Variants in MSRA observed in about 807,000 individuals in gnomAD.
The protein encoded by MSRA is methionine sulfoxide reductase A, also known as mitochondrial peptide methionine sulfoxide reductase.
Under a neutral mutation model 31.3 loss-of-function variants are expected in MSRA, and 54 were observed. The ratio of observed to expected loss-of-function variants is 1.73; its 90% CI spans 1.39 to 2.17. The LOEUF is 2.17. MSRA is among the 30% of genes most tolerant of loss of function. MSRA has a pLI of 0.00. For synonymous variants in MSRA, 169 were observed against 116.5 expected, an observed-to-expected ratio of 1.45 and a Z score of -2.90; for missense variants, 507 against 300.9, an observed-to-expected ratio of 1.69 and a Z score of -5.07.
chr8:10,257,396 C>G (rs1426711532), intron 3 of MSRA, among the ~76,000 whole-genome samples: 2 of 152,092 alleles, frequency 1.3e-5, no homozygotes, highest in Non-Finnish European at 2.9e-5. Context: ...TGTCCATAAA[C>G]CTTCTTCATT....
Position 10,094,318 on chromosome 8 carries a change from G to T in MSRA, c.142+39660G>T, listed in dbSNP as rs192537550. On this transcript the variant is annotated intron_variant, in intron 1 of 5. Coordinates refer to ENST00000317173, the MANE Select transcript of MSRA (RefSeq NM_012331.5). ...AACTTATTTACTTAATAGATTTGTT[G>T]GACAGCTGTATATGGAAGGCTGTAT... is the stretch of plus-strand genomic sequence containing the variant. Among the ~76,000 whole-genome samples, 39 of 152,230 alleles carry T rather than the reference G, an allele frequency of 2.6e-4. No homozygotes were observed. In the East Asian group the frequency reaches 7.3e-3, roughly 29 times the overall value.
chr8:10,250,513 G>T (rs1391046393), intron 3 of MSRA: 1 of 699,288 alleles, frequency 1.4e-6, no homozygotes, highest in African/African-American at 1.7e-5. Flanking sequence ...AGCATGAAAG[G>T]AGCTGCACAA....
intron 5 of MSRA, among the ~76,000 whole-genome samples, chr8:10,365,600 T>C (rs959528931): frequency 6.6e-6 from 1 of 152,232 alleles, no homozygotes; most frequent in Non-Finnish European, 1.5e-5. Context: ...AGCCATGCCA[T>C]TTAATTTTAT....
chr8:10,390,696 T>G (rs1195225951), intron 5 of MSRA, among the ~76,000 whole-genome samples: 1 of 152,168 alleles, frequency 6.6e-6, no homozygotes, highest in Non-Finnish European at 1.5e-5. Context: ...TGTTTCTGTG[T>G]GTATTACCTC....
intron 4 of MSRA, among the ~76,000 whole-genome samples, chr8:10,316,527 C>CCTCCCTCT (rs1801727050): frequency 1.8e-5 from 2 of 112,546 alleles, no homozygotes; most frequent in Non-Finnish European, 3.9e-5. Context: ...TTTGATGATC[C>CCTCCCTCT]CTCTCTCTCT....
chr8:10,410,206 G>A (rs1489480344), intron 5 of MSRA, among the ~76,000 whole-genome samples: 1 of 152,200 alleles, frequency 6.6e-6, no homozygotes, highest in Non-Finnish European at 1.5e-5. Context: ...GTATGCATGT[G>A]TGGCGGGGAC....
At position 10,203,132 on chromosome 8, in the gene MSRA, G is replaced by A. The variant is rs576706141; in HGVS notation, c.143-4701G>A. Among the ~76,000 whole-genome samples, 23 of 152,206 alleles carry A rather than the reference G, an allele frequency of 1.5e-4. No individual in the cohort carries two copies. In the South Asian group the frequency reaches 3.1e-3, roughly 21 times the overall value. The stretch of plus-strand genomic sequence containing the variant: ...CTGGAATTAAAGACAAGACAAAGCC[G>A]CCAGGGACCTCATGAGTGATGAGGG... On this transcript the variant is annotated intron_variant, in intron 1 of 5. Coordinates refer to ENST00000317173, the MANE Select transcript of MSRA (RefSeq NM_012331.5).
intron 5 of MSRA, among the ~76,000 whole-genome samples, chr8:10,395,211 G>C (rs1807022276): frequency 1.3e-5 from 2 of 152,178 alleles, no homozygotes; most frequent in South Asian, 4.1e-4. Context: ...TGCTTTGAAA[G>C]ATGTGTAGGG....
At chr8:10,088,424 A>G (rs747238032) in intron 1 of MSRA, among the ~76,000 whole-genome samples, 1 of 152,176 alleles carries the variant, frequency 6.6e-6, no homozygotes, top group African/African-American at 2.4e-5. Context: ...TAAGATGTGG[A>G]AACTAAGATG....
chr8:10,319,000 C>A (rs1801887669), intron 4 of MSRA, among the ~76,000 whole-genome samples: 1 of 152,202 alleles, frequency 6.6e-6, no homozygotes, highest in Non-Finnish European at 1.5e-5. Flanking sequence ...CAAGTCACTT[C>A]CTTGATCCAG....
At chr8:10,241,811 T>C (rs1797337179) in intron 2 of MSRA, among the ~76,000 whole-genome samples, 1 of 152,218 alleles carries the variant, frequency 6.6e-6, no homozygotes, top group Non-Finnish European at 1.5e-5. Context: ...GATCCAATTG[T>C]CAACTTGCAG....
At chr8:10,347,741 G>T (rs567107284) in intron 5 of MSRA, among the ~76,000 whole-genome samples, 1 of 152,248 alleles carries the variant, frequency 6.6e-6, no homozygotes, top group South Asian at 2.1e-4. Flanking sequence ...AAATAATCCC[G>T]TCCATAGTGT....
intron 1 of MSRA, among the ~76,000 whole-genome samples, chr8:10,196,737 T>C (rs978015376): frequency 2.6e-5 from 4 of 151,540 alleles, no homozygotes; most frequent in Non-Finnish European, 5.9e-5. Flanking sequence ...TTTTTAATTT[T>C]TTTTTTTAAT....
Position 10,260,427 on chromosome 8 carries a change from C to T in MSRA, c.331+15204C>T, listed in dbSNP as rs547057415. Among the ~76,000 whole-genome samples the T allele has an allele frequency of 2.0e-4, 31 of 151,764 alleles. No individual in the cohort carries two copies. In the South Asian group the frequency reaches 2.3e-3, roughly 11 times the overall value. ...ACAGAGGAGACAGAGGAGGAGGAAGCGGGGGACAGAATACCCCACGACTCT... is the reference window on the plus strand; with the variant it reads ...ACAGAGGAGACAGAGGAGGAGGAAGTGGGGGACAGAATACCCCACGACTCT... On this transcript the variant is annotated intron_variant, in intron 3 of 5. Transcript: ENST00000317173.
At chr8:10,131,093 G>C (rs1483095104) in intron 1 of MSRA, among the ~76,000 whole-genome samples, 1 of 152,090 alleles carries the variant, frequency 6.6e-6, no homozygotes, top group Non-Finnish European at 1.5e-5. Flanking sequence ...TTGTTCCTTT[G>C]TTTCTTATTT....
chr8:10,206,612 C>G (rs1219147563), intron 1 of MSRA, among the ~76,000 whole-genome samples: 1 of 152,218 alleles, frequency 6.6e-6, no homozygotes, highest in Non-Finnish European at 1.5e-5. Flanking sequence ...AGATTGTTCT[C>G]TGGCCCGGGA....
intron 3 of MSRA, among the ~76,000 whole-genome samples, chr8:10,275,924 T>C (rs1408701424): frequency 6.6e-6 from 1 of 152,222 alleles, no homozygotes; most frequent in Non-Finnish European, 1.5e-5. Context: ...TTTTGTTCCA[T>C]AGAAAATCAT....
chr8:10,289,759 G>GAAA (rs764241073), intron 3 of MSRA, among the ~76,000 whole-genome samples: 3 of 152,146 alleles, frequency 2.0e-5, no homozygotes, highest in Non-Finnish European at 2.9e-5. Context: ...ACACTTTTAG[G>GAAA]AAAACGTACG....
chr8:10,201,876 G>T (rs138987329), intron 1 of MSRA, among the ~76,000 whole-genome samples: 17 of 152,342 alleles, frequency 1.1e-4, no homozygotes, highest in African/African-American at 4.1e-4. Context: ...CATCAGCAGA[G>T]GTTGTCCTCC....
Sources: allele counts gnomAD v4.1 joint callset (sites outside exome capture counted in the v4.1 genomes callset), GRCh38; gene constraint gnomAD v4.1.1; transcripts MANE v1.5; gene names NCBI Gene and HGNC (gene_info 2026-07-23, HGNC 2026-07-21).